ASXL1: variants seen among roughly 807,000 people sequenced by gnomAD.
The protein encoded by ASXL1 is polycomb group protein ASXL1.
ASXL1 carries 65 observed loss-of-function variants against 89.1 expected under a neutral mutation model. The ratio of observed to expected loss-of-function variants is 0.73; its 90% CI spans 0.60 to 0.90. ASXL1 has a LOEUF of 0.90. ASXL1 is among the 40% of genes least tolerant of loss of function. The pLI, the probability that ASXL1 is intolerant of heterozygous loss-of-function variation, is 0.00. For synonymous variants in ASXL1, 739 were observed against 746.9 expected, an observed-to-expected ratio of 0.99 and a Z score of 0.17; for missense variants, 1,786 against 1,942.9, an observed-to-expected ratio of 0.92 and a Z score of 1.52.
rs146566217 is a variant in ASXL1, at chr20:32,408,657, A to T, written c.253-19471A>T. Among the ~76,000 whole-genome samples, 575 of 152,302 alleles carry T rather than the reference A, an allele frequency of 3.8e-3. 4 individuals carry two copies. The highest frequency in any genetic ancestry group is 0.017 in the Middle Eastern group (5 of 294). The stretch of plus-strand genomic sequence containing the variant: ...ATCCTAAAACTTCCGGGCTCAAGCC[A>T]TCCTCCTGCCTCAAGCTCCCAAGGC... On this transcript the variant is annotated intron_variant, in intron 4 of 12. Coordinates refer to ENST00000375687, the MANE Select transcript of ASXL1 (RefSeq NM_015338.6).
In ASXL1 at chr20:32,377,972, C is replaced by CTGTGTGTGTGTGTGTGTGTGTGTGTG. The variant is rs112878923; in HGVS notation, c.252+8855_252+8880dup. On this transcript the variant is annotated intron_variant, in intron 4 of 12. Coordinates refer to ENST00000375687, the MANE Select transcript of ASXL1 (RefSeq NM_015338.6). ...CTGGCCCCAAAATAAAGTTTTGACTCTGTGTGTGTGTGTGTGTGTGTGTGT... is the reference window on the plus strand; with the variant it reads ...CTGGCCCCAAAATAAAGTTTTGACTCTGTGTGTGTGTGTGTGTGTGTGTGTGTGTGTGTGTGTGTGTGTGTGTGTGT... Among the ~76,000 whole-genome samples, 190 of 115,396 alleles carry CTGTGTGTGTGTGTGTGTGTGTGTGTG rather than the reference C, an allele frequency of 1.6e-3. 5 individuals carry two copies. Among genetic ancestry groups the CTGTGTGTGTGTGTGTGTGTGTGTGTG allele is most frequent in the East Asian group, 4.3e-3 (14 of 3,220 alleles). 75.7% of individuals were successfully genotyped at this position (115,396 alleles called of 152,430 possible).
intron 4 of ASXL1, among the ~76,000 whole-genome samples, chr20:32,389,587 C>A (rs969743760): frequency 2.6e-5 from 4 of 152,106 alleles, no homozygotes; most frequent in African/African-American, 9.7e-5. Context: ...CCCCCTGCCC[C>A]GCCTTTTTCT....
rs757978318 is a variant in ASXL1 at position 32,436,328 on chromosome 20, G to A, written c.3616G>A (p.Ala1206Thr). 3 of 1,614,010 alleles carry A rather than the reference G, an allele frequency of 1.9e-6. No individual in the cohort carries two copies. The highest frequency in any genetic ancestry group is 2.2e-5 in the South Asian group (2 of 91,092). Reference sequence around the variant, plus strand: ...TGGAGCACCCCAAAAGAATTGCAAGGCAGTCCCAAGTTTTGACTCCCTCCA... The same window carrying A: ...TGGAGCACCCCAAAAGAATTGCAAGACAGTCCCAAGTTTTGACTCCCTCCA... ...APGAPQKNCK[A>T]VPSFDSLHPV... The change falls in exon 13 of 13, where the codon GCA becomes ACA. Residue 1206 changes from alanine to threonine, a missense_variant. Transcript: ENST00000375687.
At chr20:32,417,975 G>A (rs1600553904) in intron 4 of ASXL1, among the ~76,000 whole-genome samples, 1 of 151,832 alleles carries the variant, frequency 6.6e-6, no homozygotes, top group Admixed American at 6.6e-5. Flanking sequence ...TCAGGAGTTC[G>A]AGACTAGCCT....
At chr20:32,378,914 G>A (rs1300342492) in intron 4 of ASXL1, among the ~76,000 whole-genome samples, 3 of 151,776 alleles carry the variant, frequency 2.0e-5, no homozygotes, top group Non-Finnish European at 2.9e-5. Flanking sequence ...GATCACCTGA[G>A]GTCAGGAGTT....
intron 4 of ASXL1, among the ~76,000 whole-genome samples, chr20:32,403,669 C>T (rs2048911366): frequency 6.6e-6 from 1 of 152,154 alleles, no homozygotes; most frequent in Non-Finnish European, 1.5e-5. Context: ...CCTGCCTCAG[C>T]CTCCCAAAGT....
rs775227254 is a variant in ASXL1 at position 32,435,129 on chromosome 20, C to T, written c.2417C>T (p.Thr806Ile). The T allele has an allele frequency of 3.5e-5, 57 of 1,613,824 alleles. No individual in the cohort carries two copies. Among genetic ancestry groups the T allele is most frequent in the Admixed American group, 6.7e-5 (4 of 60,006 alleles). Residue 806 changes from threonine to isoleucine, a missense_variant, in exon 13 of 13, where the codon ACC becomes ATC. Physicochemically the swap from Thr to Ile is moderately conservative, Grantham distance 89. This residue lies in a region of ASXL1 where 1,418 missense variants were observed against 1,427.8 expected (regional missense o/e 0.99). Transcript: ENST00000375687. ...WESDDEEQGP[T>I]VPADNGPIPS... ...AGTGATGATGAGGAGCAAGGACCCA[C>T]CGTTCCTGCAGACAATGGTCCCATT...
At chr20:32,363,890 A>C (rs920224769) in intron 1 of ASXL1, among the ~76,000 whole-genome samples, 1 of 152,194 alleles carries the variant, frequency 6.6e-6, no homozygotes, top group Non-Finnish European at 1.5e-5. Flanking sequence ...AAGTTTGTAG[A>C]GTGTCACTGT....
chr20:32,392,262 G>C (rs2048685296), intron 4 of ASXL1, among the ~76,000 whole-genome samples: 2 of 150,358 alleles, frequency 1.3e-5, no homozygotes, highest in Admixed American at 1.3e-4. Context: ...TTACAGGCGT[G>C]TGCCACCAAG....
chr20:32,361,601 G>GCAT (rs11474510), intron 1 of ASXL1, among the ~76,000 whole-genome samples: 3 of 143,312 alleles, frequency 2.1e-5, no homozygotes, highest in East Asian at 2.1e-4. Context: ...CCATGCCACT[G>GCAT]TCCAGCCTGG....
At chr20:32,432,783 A>G (rs2011560465) in intron 10 of ASXL1, 97 bp from the exon 11 acceptor site, 1 of 1,426,388 alleles carries the variant, frequency 7.0e-7, no homozygotes, top group South Asian at 1.2e-5. Flanking sequence ...AGCCTTTAGA[A>G]GAGACGTGTT....
At chr20:32,430,088 A>T (rs1569319086) in intron 8 of ASXL1, 35 bp downstream of exon 8, 6 of 1,596,792 alleles carry the variant, frequency 3.8e-6, no homozygotes, top group African/African-American at 1.3e-5. Flanking sequence ...CTGCCTGTAA[A>T]GGGGGCCCCT....
At chr20:32,392,970 A>G (rs2048698706) in intron 4 of ASXL1, among the ~76,000 whole-genome samples, 1 of 152,228 alleles carries the variant, frequency 6.6e-6, no homozygotes, top group Non-Finnish European at 1.5e-5. Context: ...CATTCTATTA[A>G]TGTTGATTGG....
intron 4 of ASXL1, among the ~76,000 whole-genome samples, chr20:32,377,773 C>T (rs2048410385): frequency 2.0e-5 from 3 of 151,488 alleles, no homozygotes; most frequent in South Asian, 4.3e-4. Context: ...TTACCTCAGC[C>T]TCCTGCGTAG....
chr20:32,367,068 C>T (rs2048216577), intron 2 of ASXL1, among the ~76,000 whole-genome samples: 1 of 132,220 alleles, frequency 7.6e-6, no homozygotes. Context: ...CTCATCCTAA[C>T]TTCAAACTTA....
At chr20:32,408,592 C>T (rs978848211) in intron 4 of ASXL1, among the ~76,000 whole-genome samples, 4 of 152,072 alleles carry the variant, frequency 2.6e-5, no homozygotes, top group Non-Finnish European at 5.9e-5. Context: ...CTTGCTCTGT[C>T]GGCAGGCTGT....
At chr20:32,431,752 A>G in intron 10 of ASXL1, 73 bp downstream of exon 10, 1 of 1,482,630 alleles carries the variant, frequency 6.7e-7, no homozygotes, top group Non-Finnish European at 9.3e-7. Context: ...CCTGGTATTT[A>G]AAACCCAAGC....
intron 4 of ASXL1, among the ~76,000 whole-genome samples, chr20:32,412,663 G>A (rs1182075344): frequency 1.4e-5 from 2 of 146,800 alleles, no homozygotes; most frequent in East Asian, 2.0e-4. Flanking sequence ...TGGTGGGATC[G>A]TAGCTCACGT....
rs369625014 is a variant in ASXL1, at chr20:32,404,672, G to C, written c.253-23456G>C. On this transcript the variant is annotated intron_variant, in intron 4 of 12. Transcript: ENST00000375687. ...ATTGACTAGCTGGGACTTGTTTGCT[G>C]TGTCGAATATGAGTGCTTAGTGTGG... is the stretch of plus-strand genomic sequence containing the variant. 2.4e-3 allele frequency among the ~76,000 whole-genome samples: 362 copies of C among 152,240 alleles called. 1 individual carries two copies. The highest frequency in any genetic ancestry group is 7.8e-3 in the African/African-American group (324 of 41,544).
Sources: gnomAD v4.1 joint callset for allele counts (sites outside exome capture counted in the v4.1 genomes callset) on GRCh38, gnomAD v4.1.1 for gene constraint, gnomAD v4.1.1 regional missense constraint, MANE v1.5 for transcripts, NCBI Gene and HGNC (gene_info 2026-07-23, HGNC 2026-07-21) for gene names.